The following ITGA1 variants were observed in gnomAD, a reference collection of about 807,000 sequenced individuals.
ITGA1 encodes the protein integrin subunit alpha 1.
ITGA1 carries 85 observed loss-of-function variants against 145.9 expected under a neutral mutation model. The observed-to-expected ratio is 0.58, with a 90% CI of 0.49 to 0.70. The LOEUF is 0.70. Among genes scored for constraint, ITGA1 ranks in the 30% least tolerant of loss-of-function variants. ITGA1 has a pLI of 0.00. For missense variants in ITGA1, 1,351 were observed against 1,418.7 expected, an observed-to-expected ratio of 0.95 and a Z score of 0.77; for synonymous variants, 520 against 495.3, an observed-to-expected ratio of 1.05 and a Z score of -0.66.
intron 1 of ITGA1, among the ~76,000 whole-genome samples, chr5:52,805,987 A>G (rs1345917826): frequency 2.6e-5 from 4 of 152,154 alleles, no homozygotes; most frequent in African/African-American, 4.8e-5. Flanking sequence ...AAGCACAACT[A>G]AAGTGAAGAG....
intron 6 of ITGA1, 85 bp from the exon 7 acceptor site, chr5:52,881,788 T>C: frequency 7.9e-7 from 1 of 1,267,238 alleles, no homozygotes. Context: ...TGAAATGTAT[T>C]ATATCTGATT....
chr5:52,796,152 T>C (rs2111650932), intron 1 of ITGA1, among the ~76,000 whole-genome samples: 1 of 152,074 alleles, frequency 6.6e-6, no homozygotes, highest in African/African-American at 2.4e-5. Context: ...GTGAAATAAA[T>C]TGGGTTCCAG....
intron 11 of ITGA1, among the ~76,000 whole-genome samples, chr5:52,899,677 GA>G (rs1301442525): frequency 6.6e-6 from 1 of 151,926 alleles, no homozygotes; most frequent in African/African-American, 2.4e-5. Flanking sequence ...TCACTCTCTC[GA>G]AAACTTAAAG....
At chr5:52,788,607 C>A (rs2897351) in intron 1 of ITGA1, among the ~76,000 whole-genome samples, 193 bp downstream of exon 1, 138,430 of 152,226 alleles carry the variant, frequency 0.91, 63,019 homozygotes, top group Middle Eastern at 0.93. Context: ...AATTAGTTTT[C>A]GTGTCTCTCC....
intron 1 of ITGA1, among the ~76,000 whole-genome samples, chr5:52,793,259 A>T (rs1055039044): frequency 6.6e-6 from 1 of 152,068 alleles, no homozygotes; most frequent in African/African-American, 2.4e-5. Context: ...AATAATAGGC[A>T]CTTTTTAATT....
Position 52,915,463 on chromosome 5 carries a change from G to A in ITGA1, c.1858-1G>A. On this transcript the variant is annotated splice_acceptor_variant, in intron 14 of 28. Transcript: ENST00000282588. LOFTEE classifies it high-confidence loss of function. Reference sequence around the variant, plus strand: ...AAACTCTTTTTTTTGGATTCTCACAGCGTATTCCATCAGGTGGGGATGGTA... The same window carrying A: ...AAACTCTTTTTTTTGGATTCTCACAACGTATTCCATCAGGTGGGGATGGTA... 6.2e-7 allele frequency: 1 copy of A among 1,613,660 alleles called. No homozygotes were observed. Among genetic ancestry groups the A allele is most frequent in the Non-Finnish European group, 8.5e-7 (1 of 1,179,766 alleles).
Position 52,836,307 on chromosome 5 carries a change from C to T in ITGA1, c.62-13058C>T, listed in dbSNP as rs1749161989. Among the ~76,000 whole-genome samples the T allele has an allele frequency of 2.6e-5, 4 of 152,188 alleles. No homozygotes were observed. The South Asian group carries it at 8.3e-4, about 32-fold the overall frequency. The stretch of plus-strand genomic sequence containing the variant: ...CCATCCAGACAAAATAGCACAGAGC[C>T]AGTACATAAAATAAGAAAGTGGACT... On this transcript the variant is annotated intron_variant, in intron 1 of 28. Coordinates refer to ENST00000282588, the MANE Select transcript of ITGA1 (RefSeq NM_181501.2).
chr5:52,792,340 G>C (rs187618203), intron 1 of ITGA1, among the ~76,000 whole-genome samples: 54 of 152,272 alleles, frequency 3.5e-4, no homozygotes, highest in Admixed American at 3.4e-3. Context: ...ACAATGTATT[G>C]TCAGGAATTG....
Position 52,952,482 on chromosome 5 carries a change from A to ATTTTC in ITGA1, c.*33_*34insTTCTT. 9.5e-7 allele frequency: 1 copy of ATTTTC among 1,052,392 alleles called. No homozygotes were observed. Among genetic ancestry groups the ATTTTC allele is most frequent in the Non-Finnish European group, 1.4e-6 (1 of 719,254 alleles). 65.2% of individuals were successfully genotyped at this position (1,052,392 alleles called of 1,614,324 possible). ...TTTATGAAAGAAAATAATAACAATT[A>ATTTTC]TTCAATAATCTATCCTCAGGTTTGC... is the stretch of plus-strand genomic sequence containing the variant. On this transcript the variant is annotated 3_prime_UTR_variant, in exon 29 of 29. Transcript: ENST00000282588.
At chr5:52,905,712 A>G (rs1166718177) in intron 11 of ITGA1, 51 bp from the exon 12 acceptor site, 8 of 1,482,028 alleles carry the variant, frequency 5.4e-6, no homozygotes, top group Non-Finnish European at 7.4e-6. Flanking sequence ...AATTTATTAC[A>G]TGAAGCCTTT....
At chr5:52,932,492 T>C (rs1579727138) in intron 22 of ITGA1, 2 of 173,934 alleles carry the variant, frequency 1.1e-5, no homozygotes, top group East Asian at 3.3e-4. Flanking sequence ...AGCATATTTC[T>C]TGGTCATCGT....
intron 1 of ITGA1, chr5:52,801,766 G>A (rs1319196208): frequency 1.9e-6 from 3 of 1,613,938 alleles, no homozygotes; most frequent in Non-Finnish European, 2.5e-6. Context: ...GTTGACTGGG[G>A]TAGCTGCCAT....
At chr5:52,841,572 C>T (rs752266260) in intron 1 of ITGA1, among the ~76,000 whole-genome samples, 1 of 152,170 alleles carries the variant, frequency 6.6e-6, no homozygotes, top group African/African-American at 2.4e-5. Context: ...TACATCCACA[C>T]TGAGATCAAA....
At chr5:52,911,562 CTACTA>C (rs1750534322) in intron 14 of ITGA1, among the ~76,000 whole-genome samples, 3 of 50,914 alleles carry the variant, frequency 5.9e-5, no homozygotes, top group African/African-American at 1.3e-4. Context: ...TATAGTGTAT[CTACTA>C]TATATACTAT....
chr5:52,915,703 C>A, intron 15 of ITGA1, 109 bp downstream of exon 15: 1 of 1,321,046 alleles, frequency 7.6e-7, no homozygotes, highest in Non-Finnish European at 1.0e-6. Context: ...TTGTGTTCCA[C>A]TATGCAAATA....
rs1415467747 is a variant in ITGA1, at chr5:52,915,464, C to A, written c.1858C>A (p.Arg620Ser). The A allele has an allele frequency of 1.2e-6, 2 of 1,613,622 alleles. No homozygotes were observed. Among genetic ancestry groups the A allele is most frequent in the Admixed American group, 1.7e-5 (1 of 59,936 alleles). ...AACTCTTTTTTTTGGATTCTCACAG[C>A]GTATTCCATCAGGTGGGGATGGTAA... ...GKTIRKEYAQ[R>S]IPSGGDGKTL... Residue 620 changes from arginine (R) to serine (S), a missense_variant and splice_region_variant, in exon 15 of 29, where the codon CGT (arginine) becomes AGT (serine). Physicochemically the swap from Arg to Ser is moderately radical, Grantham distance 110. Coordinates refer to ENST00000282588, the MANE Select transcript of ITGA1 (RefSeq NM_181501.2).
intron 1 of ITGA1, chr5:52,825,014 A>G (rs1228407341): frequency 6.6e-6 from 1 of 152,200 alleles, no homozygotes; most frequent in African/African-American, 2.4e-5. Flanking sequence ...CATTAAGTAC[A>G]TTTACAAGGT....
intron 18 of ITGA1, among the ~76,000 whole-genome samples, chr5:52,923,117 G>A (rs1750754471): frequency 6.6e-6 from 1 of 152,190 alleles, no homozygotes; most frequent in Non-Finnish European, 1.5e-5. Context: ...ATTTTAAGGA[G>A]TTAGATGTGG....
chr5:52,873,027 T>C (rs1749802993), intron 6 of ITGA1, among the ~76,000 whole-genome samples: 1 of 152,212 alleles, frequency 6.6e-6, no homozygotes, highest in Non-Finnish European at 1.5e-5. Flanking sequence ...TTTTCATTTA[T>C]GGAAGATAGT....
Sources: allele counts gnomAD v4.1 joint callset (sites outside exome capture counted in the v4.1 genomes callset), GRCh38; gene constraint gnomAD v4.1.1; transcripts MANE v1.5; gene names NCBI Gene and HGNC (gene_info 2026-07-23, HGNC 2026-07-21).